The following HS3ST3B1 variants were observed in gnomAD, a reference collection of about 807,000 sequenced individuals.
The protein encoded by HS3ST3B1 is heparan sulfate glucosamine 3-O-sulfotransferase 3B1.
HS3ST3B1 carries 13 observed loss-of-function variants against 21.3 expected under a neutral mutation model. The ratio of observed to expected loss-of-function variants is 0.61; its 90% CI spans 0.40 to 0.97. HS3ST3B1 has a LOEUF of 0.97. HS3ST3B1 is among the 50% of genes least tolerant of loss of function. HS3ST3B1 has a pLI of 0.00. For synonymous variants in HS3ST3B1, 234 were observed against 254.8 expected (o/e 0.92, Z 0.78); for missense variants, 459 against 554.8 (o/e 0.83, Z 1.73).
At chr17:14,304,528 T>C (rs1909065791) in intron 1 of HS3ST3B1, 1 of 152,254 alleles carries the variant, frequency 6.6e-6, no homozygotes, top group African/African-American at 2.4e-5. Flanking sequence ...GGCGTCCTTT[T>C]TAACTTTAAA....
rs556104655 is a variant in HS3ST3B1 at position 14,326,782 on chromosome 17, G to A, written c.555-18246G>A. On this transcript the variant is annotated intron_variant, in intron 1 of 1. Coordinates refer to ENST00000360954, the MANE Select transcript of HS3ST3B1 (RefSeq NM_006041.3). ...ACAAATACAAAAAAACTAGCTGGAC[G>A]TGGTGGTGTGCACCTGTAACCCCAG... 1.7e-4 allele frequency among the ~76,000 whole-genome samples: 26 copies of A among 152,126 alleles called. No individual in the cohort carries two copies. The East Asian group carries it at 3.9e-3, about 23-fold the overall frequency.
At chr17:14,310,420 G>T (rs1458662450) in intron 1 of HS3ST3B1, among the ~76,000 whole-genome samples, 1 of 152,204 alleles carries the variant, frequency 6.6e-6, no homozygotes, top group Non-Finnish European at 1.5e-5. Flanking sequence ...AGCCTTTGCG[G>T]ATAGGTTTCC....
At chr17:14,313,111 T>TATATATATATAC (rs1444305914) in intron 1 of HS3ST3B1, among the ~76,000 whole-genome samples, 5,111 of 115,084 alleles carry the variant, frequency 0.044, 520 homozygotes, top group African/African-American at 0.17. Context: ...TGTGTGTGTA[T>TATATATATATAC]ATATATATAT....
intron 1 of HS3ST3B1, among the ~76,000 whole-genome samples, chr17:14,319,571 T>C (rs1424224802): frequency 6.6e-6 from 1 of 152,210 alleles, no homozygotes; most frequent in African/African-American, 2.4e-5. Context: ...GATTCAAAGA[T>C]TTGTTCATTT....
At chr17:14,313,021 C>G (rs1437649800) in intron 1 of HS3ST3B1, among the ~76,000 whole-genome samples, 2 of 150,532 alleles carry the variant, frequency 1.3e-5, no homozygotes, top group African/African-American at 4.9e-5. Flanking sequence ...TCTCCTGCCT[C>G]AGCCTCCCGA....
rs796605453 is a variant in HS3ST3B1, at chr17:14,311,965, C to G, written c.554+9893C>G. On this transcript the variant is annotated intron_variant, in intron 1 of 1. Transcript: ENST00000360954. The stretch of plus-strand genomic sequence containing the variant: ...CTAAATTACTAGTAAATCTGAAAAC[C>G]ATTTAAGGAGGAAGCAGAAGCATGA... 9.9e-5 allele frequency among the ~76,000 whole-genome samples: 15 copies of G among 152,088 alleles called. 2 individuals are homozygous for G. Among genetic ancestry groups the G allele is most frequent in the African/African-American group, 3.6e-4 (15 of 41,476 alleles).
intron 1 of HS3ST3B1, among the ~76,000 whole-genome samples, chr17:14,334,381 G>A (rs964708847): frequency 2.0e-5 from 3 of 151,976 alleles, no homozygotes; most frequent in African/African-American, 7.3e-5. Flanking sequence ...TCACTATGTG[G>A]CTTAGGCTGT....
chr17:14,323,664 C>T (rs199839836), intron 1 of HS3ST3B1, among the ~76,000 whole-genome samples: 20 of 152,172 alleles, frequency 1.3e-4, no homozygotes, highest in African/African-American at 4.8e-4. Flanking sequence ...CTGATAACTA[C>T]ACCAGCTTTA....
At chr17:14,332,716 C>T (rs796335812) in intron 1 of HS3ST3B1, among the ~76,000 whole-genome samples, 12 of 151,912 alleles carry the variant, frequency 7.9e-5, no homozygotes, top group African/African-American at 2.9e-4. Flanking sequence ...GGATCCAGCT[C>T]CAAGCAGCTG....
At chr17:14,319,833 A>T (rs748953514) in intron 1 of HS3ST3B1, among the ~76,000 whole-genome samples, 3 of 151,806 alleles carry the variant, frequency 2.0e-5, no homozygotes, top group Non-Finnish European at 4.4e-5. Flanking sequence ...GGCTACATGG[A>T]TAAGTTCTTT....
At chr17:14,318,310 C>T (rs1184140985) in intron 1 of HS3ST3B1, among the ~76,000 whole-genome samples, 2 of 152,124 alleles carry the variant, frequency 1.3e-5, no homozygotes, top group Non-Finnish European at 2.9e-5. Context: ...GTCATTCTTC[C>T]GGGAGAGGCA....
At position 14,349,220 on chromosome 17, in the gene HS3ST3B1, T is replaced by C. The variant is rs182542899; in HGVS notation, c.*3574T>C. On this transcript the variant is annotated 3_prime_UTR_variant, in exon 2 of 2. Coordinates refer to ENST00000360954, the MANE Select transcript of HS3ST3B1 (RefSeq NM_006041.3). ...AAGTAATCTAAAATACTGTGCAAAT[T>C]CTAGCAGTATGTCTTCGATAACTTG... 2.0e-5 allele frequency: 3 copies of C among 152,312 alleles called. No individual in the cohort carries two copies. Among genetic ancestry groups the C allele is most frequent in the Admixed American group, 2.0e-4 (3 of 15,294 alleles). The allele number at this position is 152,312 out of a possible 1,614,324, so 9.4% of individuals were successfully genotyped here. A position where few individuals can be genotyped will look rare whatever the true frequency, so the allele number is the denominator to read the frequency against.
At chr17:14,338,250 G>A (rs747346138) in intron 1 of HS3ST3B1, among the ~76,000 whole-genome samples, 9 of 142,918 alleles carry the variant, frequency 6.3e-5, no homozygotes, top group East Asian at 4.2e-4. Context: ...CTCAGCCTCC[G>A]GAGTGACTGG....
At chr17:14,340,694 T>A (rs1468570812) in intron 1 of HS3ST3B1, among the ~76,000 whole-genome samples, 1 of 152,192 alleles carries the variant, frequency 6.6e-6, no homozygotes, top group East Asian at 1.9e-4. Context: ...GAGATTCTCC[T>A]GTCTCAGCCT....
chr17:14,322,014 G>A (rs1010058765), intron 1 of HS3ST3B1, among the ~76,000 whole-genome samples: 18 of 148,826 alleles, frequency 1.2e-4, no homozygotes, highest in African/African-American at 4.2e-4. Context: ...ATAAAGTGCT[G>A]TTTATTTCAT....
At chr17:14,315,394 C>T (rs1239423727) in intron 1 of HS3ST3B1, among the ~76,000 whole-genome samples, 3 of 152,230 alleles carry the variant, frequency 2.0e-5, no homozygotes, top group African/African-American at 7.2e-5. Flanking sequence ...GCCTTGGATG[C>T]TGTCGCAATG....
At chr17:14,308,728 G>A (rs911948507) in intron 1 of HS3ST3B1, among the ~76,000 whole-genome samples, 9 of 152,186 alleles carry the variant, frequency 5.9e-5, no homozygotes, top group African/African-American at 2.2e-4. Context: ...AGTTGATTGT[G>A]TTTCAGCCCA....
chr17:14,321,137 T>G (rs1473563001), intron 1 of HS3ST3B1, among the ~76,000 whole-genome samples: 2 of 152,202 alleles, frequency 1.3e-5, no homozygotes, highest in African/African-American at 4.8e-5. Flanking sequence ...AAGCATTTGG[T>G]GGTGGACTTT....
At chr17:14,324,678 A>T (rs1032715175) in intron 1 of HS3ST3B1, among the ~76,000 whole-genome samples, 5 of 152,158 alleles carry the variant, frequency 3.3e-5, no homozygotes, top group Admixed American at 6.5e-5. Context: ...CAATGGTGTG[A>T]TCATAGCTCA....
Sources: allele counts gnomAD v4.1 joint callset (sites outside exome capture counted in the v4.1 genomes callset), GRCh38; gene constraint gnomAD v4.1.1; transcripts MANE v1.5; gene names NCBI Gene and HGNC (gene_info 2026-07-23, HGNC 2026-07-21).